The following NUDCD1 variants were observed in gnomAD, a reference collection of about 807,000 sequenced individuals.
NUDCD1 encodes the protein NudC domain containing 1, also known as nudC domain-containing protein 1.
In NUDCD1, 60 loss-of-function variants were observed where a neutral mutation model predicts 67.8. The observed-to-expected ratio is 0.88, with a 90% confidence interval of 0.72 to 1.10. NUDCD1 has a LOEUF of 1.10. Ranked by LOEUF, NUDCD1 falls within the 50% of genes least tolerant of loss-of-function variation. The probability of loss-of-function intolerance (pLI) is 0.00; values close to 1 mark genes in which losing one functional copy is unlikely to be tolerated. For missense variants in NUDCD1, 643 were observed against 695.0 expected (o/e 0.93, Z 0.84); for synonymous variants, 244 against 230.8 (o/e 1.06, Z -0.52).
intron 1 of NUDCD1, among the ~76,000 whole-genome samples, chr8:109,324,961 G>A (rs1228267012): frequency 4.6e-5 from 7 of 152,084 alleles, no homozygotes; most frequent in South Asian, 4.1e-4. Flanking sequence ...GTGACAGTGC[G>A]TGCCTGTAAT....
intron 8 of NUDCD1, among the ~76,000 whole-genome samples, chr8:109,261,930 A>G (rs1813871962): frequency 6.6e-6 from 1 of 152,138 alleles, no homozygotes; most frequent in Non-Finnish European, 1.5e-5. Context: ...ATATATACCT[A>G]TACATACACA....
At chr8:109,277,700 G>A (rs1159637922) in intron 6 of NUDCD1, among the ~76,000 whole-genome samples, 3 of 152,146 alleles carry the variant, frequency 2.0e-5, no homozygotes, top group Non-Finnish European at 4.4e-5. Flanking sequence ...ACTGATCTAT[G>A]TTGATGCATT....
At position 109,322,368 on chromosome 8, in the gene NUDCD1, G is replaced by A. The variant is rs757361524; in HGVS notation, c.214C>T (p.Gln72Ter). ...GTATCAATATAGTAGACACTGTCTT[G>A]ATACCATGAATCACAGTGCAGGTAA... is the stretch of plus-strand genomic sequence containing the variant. ...YNYLHCDSWY[Q>*]DSVYYIDTLG... Residue 72 changes from glutamine to a stop codon, truncating the protein, a stop_gained, in exon 2 of 10, where the codon CAA becomes TAA. Transcript: ENST00000239690. LOFTEE classifies it high-confidence loss of function. The A allele has an allele frequency of 6.3e-7, 1 of 1,589,492 alleles. No homozygotes were observed. The highest frequency in any genetic ancestry group is 8.6e-7 in the Non-Finnish European group (1 of 1,158,542).
At chr8:109,296,616 C>CCACA in intron 2 of NUDCD1, 47 bp from the exon 3 acceptor site, 1 of 1,235,746 alleles carries the variant, frequency 8.1e-7, no homozygotes, top group Non-Finnish European at 1.1e-6. Flanking sequence ...CTTCACTGAT[C>CCACA]CACACACACA....
intron 8 of NUDCD1, among the ~76,000 whole-genome samples, chr8:109,263,355 C>G (rs1230658950): frequency 6.6e-6 from 1 of 152,182 alleles, no homozygotes; most frequent in Non-Finnish European, 1.5e-5. Context: ...TCCCTAAGCT[C>G]AAGTTTTCTC....
At chr8:109,268,457 C>T (rs929089353) in intron 8 of NUDCD1, among the ~76,000 whole-genome samples, 2 of 151,984 alleles carry the variant, frequency 1.3e-5, no homozygotes, top group Non-Finnish European at 2.9e-5. Flanking sequence ...TTTTATTTTG[C>T]CATTGCTTGG....
chr8:109,278,839 A>G (rs1241740500), intron 6 of NUDCD1, among the ~76,000 whole-genome samples: 1 of 152,200 alleles, frequency 6.6e-6, no homozygotes, highest in Non-Finnish European at 1.5e-5. Context: ...TATGCCTGCT[A>G]TGAATATATG....
chr8:109,272,388 C>CAT (rs1814180334), intron 7 of NUDCD1, among the ~76,000 whole-genome samples: 2 of 150,974 alleles, frequency 1.3e-5, no homozygotes, highest in African/African-American at 2.4e-5. Flanking sequence ...CACACACACA[C>CAT]GCAAATATCT....
intron 6 of NUDCD1, among the ~76,000 whole-genome samples, chr8:109,279,279 G>A (rs1328543326): frequency 6.6e-6 from 1 of 152,148 alleles, no homozygotes; most frequent in Non-Finnish European, 1.5e-5. Context: ...CCTTGCCAAC[G>A]TTTGATACTG....
chr8:109,303,120 C>T (rs964955257), intron 2 of NUDCD1, among the ~76,000 whole-genome samples: 7 of 152,296 alleles, frequency 4.6e-5, no homozygotes, highest in East Asian at 1.9e-4. Flanking sequence ...AAGGAAAGCC[C>T]GCAGCCTGGG....
At chr8:109,294,802 TCAC>T in intron 3 of NUDCD1, among the ~76,000 whole-genome samples, 1 of 152,136 alleles carries the variant, frequency 6.6e-6, no homozygotes, top group South Asian at 2.1e-4. Flanking sequence ...ACTTCAGTAA[TCAC>T]CACCACCACC....
At chr8:109,266,392 AT>A (rs71305931) in intron 8 of NUDCD1, among the ~76,000 whole-genome samples, 4,089 of 87,492 alleles carry the variant, frequency 0.047, 163 homozygotes, top group African/African-American at 0.14. Flanking sequence ...TGCCCGGCTA[AT>A]TTTTTTTTTT....
At position 109,330,686 on chromosome 8, in the gene NUDCD1, G is replaced by A. The variant is rs139767025; in HGVS notation, c.118+3207C>T. 5.3e-3 allele frequency among the ~76,000 whole-genome samples: 813 copies of A among 152,148 alleles called. 10 individuals are homozygous for A. Among genetic ancestry groups the A allele is most frequent in the African/African-American group, 0.019 (773 of 41,490 alleles). On this transcript the variant is annotated intron_variant, in intron 1 of 9. Coordinates refer to ENST00000239690, the MANE Select transcript of NUDCD1 (RefSeq NM_032869.4). Reference sequence around the variant, plus strand: ...TGTACTTAAAATGTGGTACACATACGCCATGGAATACTATGCAGCCATAAA... The same window carrying A: ...TGTACTTAAAATGTGGTACACATACACCATGGAATACTATGCAGCCATAAA...
chr8:109,294,013 A>G (rs1814775240), intron 3 of NUDCD1, among the ~76,000 whole-genome samples: 1 of 152,094 alleles, frequency 6.6e-6, no homozygotes, highest in South Asian at 2.1e-4. Flanking sequence ...AAAGCATCAT[A>G]TAAAAACACA....
chr8:109,257,415 C>T (rs1337753484), intron 8 of NUDCD1, among the ~76,000 whole-genome samples: 5 of 152,028 alleles, frequency 3.3e-5, no homozygotes, highest in Admixed American at 6.6e-5. Flanking sequence ...ATAACACTGA[C>T]AACTTCAAAA....
At chr8:109,272,451 A>AATAAATTCATAAAATTC (rs1490316397) in intron 7 of NUDCD1, among the ~76,000 whole-genome samples, 5 of 152,068 alleles carry the variant, frequency 3.3e-5, no homozygotes, top group African/African-American at 1.2e-4. Flanking sequence ...AGTAGACATA[A>AATAAATTCATAAAATTC]ATAAATTCAT....
chr8:109,246,023 T>C (rs1196739129), intron 8 of NUDCD1, among the ~76,000 whole-genome samples: 2 of 152,168 alleles, frequency 1.3e-5, no homozygotes, highest in Non-Finnish European at 2.9e-5. Flanking sequence ...ATCTAGGCTG[T>C]CTGCCTTATG....
At chr8:109,313,442 G>A (rs1344658962) in intron 2 of NUDCD1, among the ~76,000 whole-genome samples, 2 of 152,166 alleles carry the variant, frequency 1.3e-5, no homozygotes, top group African/African-American at 4.8e-5. Flanking sequence ...ATAGACACAT[G>A]CTGACCTGTT....
intron 5 of NUDCD1, among the ~76,000 whole-genome samples, chr8:109,284,559 T>C (rs1240372909): frequency 6.6e-6 from 1 of 151,828 alleles, no homozygotes; most frequent in Admixed American, 6.6e-5. Flanking sequence ...TTATAAAAAA[T>C]GAAATCATAC....
Sources: allele counts gnomAD v4.1 joint callset (sites outside exome capture counted in the v4.1 genomes callset), GRCh38; gene constraint gnomAD v4.1.1; transcripts MANE v1.5; gene names NCBI Gene and HGNC (gene_info 2026-07-23, HGNC 2026-07-21).